Variants in NPHP4 observed in about 807,000 individuals in gnomAD.
NPHP4 encodes nephrocystin-4.
NPHP4 carries 151 observed loss-of-function variants against 155.8 expected under a neutral mutation model. The ratio of observed to expected loss-of-function variants is 0.97; its 90% CI spans 0.85 to 1.11. NPHP4 has a LOEUF of 1.11. Among genes scored for constraint, NPHP4 ranks in the 50% least tolerant of loss-of-function variants. The pLI is 0.00. For synonymous variants in NPHP4, 845 were observed against 816.8 expected (o/e 1.03, Z -0.59); for missense variants, 1,956 against 1,925.7 (o/e 1.02, Z -0.29).
Position 5,967,372 on chromosome 1 carries a change from C to T in NPHP4, c.453-9G>A. 3 of 1,602,286 alleles carry T rather than the reference C, an allele frequency of 1.9e-6. No homozygotes were observed. The highest frequency in any genetic ancestry group is 2.6e-6 in the Non-Finnish European group (3 of 1,174,810). The stretch of plus-strand genomic sequence containing the variant: ...CATGGTACAGCCGCAACCTGGAAGA[C>T]AGGACCCAGAGAACAGTCGTCAGCC... On this transcript the variant is annotated splice_polypyrimidine_tract_variant and intron_variant, in intron 4 of 29. Transcript: ENST00000378156.
At chr1:5,887,238 G>C (rs765534225) in intron 18 of NPHP4, 48 bp downstream of exon 18, 1 of 1,549,584 alleles carries the variant, frequency 6.5e-7, no homozygotes, top group African/African-American at 1.4e-5. Context: ...CTCTACCAGA[G>C]GGGTTGGGCG....
At chr1:5,885,717 C>T (rs755076526) in intron 18 of NPHP4, among the ~76,000 whole-genome samples, 4 of 152,224 alleles carry the variant, frequency 2.6e-5, no homozygotes, top group South Asian at 2.1e-4. Flanking sequence ...CTGTCCCGTG[C>T]GGTAACCCTG....
chr1:5,877,125 C>T lies in NPHP4; in HGVS notation c.2785G>A (p.Gly929Arg). Residue 929 changes from glycine (G) to arginine (R), a missense_variant, in exon 20 of 30, where the codon GGA (glycine) becomes AGA (arginine). Gly to Arg is a moderately radical substitution (Grantham distance 125). Transcript: ENST00000378156. ...CTCGTCCCGCGCCGGCCCAAGTCTC[C>T]CCCGGCCTCCTGCAGGCGCACAGAC... is the stretch of plus-strand genomic sequence containing the variant. ...MRSVRLQEAGGDLGRRGTSVL... is the reference protein window; with the variant it reads ...MRSVRLQEAGRDLGRRGTSVL... The T allele has an allele frequency of 6.3e-7, 1 of 1,588,706 alleles. No homozygotes were observed. Among genetic ancestry groups the T allele is most frequent in the Non-Finnish European group, 8.6e-7 (1 of 1,160,722 alleles).
rs150903217 is a variant in NPHP4, at chr1:5,943,380, A to G, written c.1119+3724T>C. On this transcript the variant is annotated intron_variant, in intron 9 of 29. Transcript: ENST00000378156. Reference sequence around the variant, plus strand: ...GTGCCCTGAACACAGTATTTGTTCCATGTTCTCATCAGCCCAGGTAGCCTC... The same window carrying G: ...GTGCCCTGAACACAGTATTTGTTCCGTGTTCTCATCAGCCCAGGTAGCCTC... Among the ~76,000 whole-genome samples the G allele has an allele frequency of 3.6e-3, 555 of 152,338 alleles. 1 individual carries two copies. The highest frequency in any genetic ancestry group is 0.012 in the African/African-American group (511 of 41,562).
At chr1:5,916,223 C>T (rs570460874) in intron 11 of NPHP4, among the ~76,000 whole-genome samples, 2 of 152,258 alleles carry the variant, frequency 1.3e-5, no homozygotes, top group South Asian at 4.1e-4. Flanking sequence ...TGAAACTTTG[C>T]TCCCTTGCAA....
intron 3 of NPHP4, among the ~76,000 whole-genome samples, chr1:5,975,785 C>T (rs1443574634): frequency 2.6e-5 from 4 of 152,222 alleles, no homozygotes; most frequent in Admixed American, 6.5e-5. Flanking sequence ...TCCGCCGCAA[C>T]GGAAGCCCTC....
At chr1:5,964,843 TTATATGTATATATTTTATATATA>T (rs1651041617) in intron 5 of NPHP4, among the ~76,000 whole-genome samples, 1 of 147,662 alleles carries the variant, frequency 6.8e-6, no homozygotes, top group Admixed American at 6.8e-5. Context: ...TCTCAACTTT[TTATATGTATATATTTTATATATA>T]TATAACACAC....
intron 16 of NPHP4, among the ~76,000 whole-genome samples, chr1:5,903,096 G>A (rs1237678517): frequency 3.3e-5 from 5 of 152,126 alleles, no homozygotes; most frequent in African/African-American, 7.2e-5. Flanking sequence ...GGATGTACAG[G>A]TTTTCTCAGA....
intron 20 of NPHP4, 42 bp from the exon 21 acceptor site, chr1:5,875,142 C>G: frequency 6.8e-7 from 1 of 1,470,388 alleles, no homozygotes; most frequent in Non-Finnish European, 9.3e-7. Context: ...CCCAGGCACA[C>G]TCTCCTCCAC....
rs1641309754 is a variant in NPHP4, at chr1:5,867,067, C to T, written c.3521G>A (p.Cys1174Tyr). 3 of 1,613,214 alleles carry T rather than the reference C, an allele frequency of 1.9e-6. No individual in the cohort carries two copies. The highest frequency in any genetic ancestry group is 1.3e-5 in the African/African-American group (1 of 75,032). ...LGEDPPVHVR[C>Y]SDPNVICETQ... is the part of the protein sequence containing the mutation. ...CTCACAGATGACGTTCGGGTCGCTG[C>T]AGCGAACATGGACTGGGGGGTCCTC... The change falls in exon 25 of 30, where the codon TGC becomes TAC. Residue 1174 changes from cysteine to tyrosine, a missense_variant. Cys to Tyr is a radical substitution (Grantham distance 194). Coordinates refer to ENST00000378156, the MANE Select transcript of NPHP4 (RefSeq NM_015102.5). The surrounding 1 kb of genome is among the most constrained non-coding windows in gnomAD (Gnocchi z 4.1).
At chr1:5,904,861 G>T in intron 15 of NPHP4, 57 bp from the exon 16 acceptor site, 2 of 1,539,798 alleles carry the variant, frequency 1.3e-6, no homozygotes, top group Non-Finnish European at 1.8e-6. Flanking sequence ...AACCTGAGGG[G>T]TCTAATGTGT....
chr1:5,903,545 CAT>C (rs1346814768), intron 16 of NPHP4, among the ~76,000 whole-genome samples: 1 of 152,106 alleles, frequency 6.6e-6, no homozygotes. Flanking sequence ...AAAATATCAA[CAT>C]GTCAGGTGTG....
intron 9 of NPHP4, among the ~76,000 whole-genome samples, chr1:5,936,022 A>G (rs1424030287): frequency 6.6e-6 from 1 of 152,218 alleles, no homozygotes; most frequent in Non-Finnish European, 1.5e-5. Context: ...ATAAAGTAAA[A>G]TATGTATCTA....
chr1:5,956,416 G>T (rs932599707), intron 6 of NPHP4, among the ~76,000 whole-genome samples: 3 of 152,232 alleles, frequency 2.0e-5, no homozygotes, highest in African/African-American at 7.2e-5. Flanking sequence ...GGAAAGATGG[G>T]TTCCCACCAG....
At chr1:5,914,257 C>CAAAAAAAAAAAAAAAAAAAAAAAAAAA (rs575438284) in intron 11 of NPHP4, among the ~76,000 whole-genome samples, 1 of 47,392 alleles carries the variant, frequency 2.1e-5, no homozygotes, top group African/African-American at 6.2e-5. Flanking sequence ...CTTATCTATA[C>CAAAAAAAAAAAAAAAAAAAAAAAAAAA]AAAAAAAAAA....
intron 9 of NPHP4, among the ~76,000 whole-genome samples, chr1:5,942,587 C>CA (rs34438938): frequency 0.39 from 32,032 of 82,316 alleles, 6,284 homozygotes; most frequent in East Asian, 0.71. Context: ...TCATAAATGA[C>CA]AAAAAAAAAA....
intron 1 of NPHP4, among the ~76,000 whole-genome samples, chr1:5,987,041 G>A (rs1248223126): frequency 7.2e-5 from 11 of 152,050 alleles, no homozygotes; most frequent in Non-Finnish European, 1.6e-4. Context: ...GGAAAAGGTA[G>A]GAGTGAGGGC....
rs143675266 is a variant in NPHP4 at position 5,942,248 on chromosome 1, T to C, written c.1119+4856A>G. ...TAAAAATTTTTTAAAGAAGGGAGAC[T>C]AGGCCATGCACAGTGGCTCATGCCT... is the stretch of plus-strand genomic sequence containing the variant. On this transcript the variant is annotated intron_variant, in intron 9 of 29. Coordinates refer to ENST00000378156, the MANE Select transcript of NPHP4 (RefSeq NM_015102.5). Among the ~76,000 whole-genome samples, 864 of 152,144 alleles carry C rather than the reference T, an allele frequency of 5.7e-3. 10 individuals are homozygous for C. Among genetic ancestry groups the C allele is most frequent in the African/African-American group, 0.019 (769 of 41,494 alleles).
At position 5,904,667 on chromosome 1, in the gene NPHP4, G is replaced by C. The variant is rs745698836; in HGVS notation, c.2093C>G (p.Ala698Gly). ...LDEAGQPSSG[A>G]LTHILVPVSR... ...CACAGGCACGAGGATGTGGGTCAGG[G>C]CGCCAGAGCTGGGCTGGCCGGCCTC... Residue 698 changes from alanine to glycine, a missense_variant, in exon 16 of 30, where the codon GCC becomes GGC. Ala to Gly is a moderately conservative substitution (Grantham distance 60, BLOSUM62 0). Coordinates refer to ENST00000378156, the MANE Select transcript of NPHP4 (RefSeq NM_015102.5). 6.2e-7 allele frequency: 1 copy of C among 1,613,776 alleles called. No homozygotes were observed. The highest frequency in any genetic ancestry group is 8.5e-7 in the Non-Finnish European group (1 of 1,179,834).
Sources: gnomAD v4.1 joint callset for allele counts (sites outside exome capture counted in the v4.1 genomes callset) on GRCh38, gnomAD v4.1.1 for gene constraint, Gnocchi (gnomAD v3.1) non-coding constraint, MANE v1.5 for transcripts, NCBI Gene and HGNC (gene_info 2026-07-23, HGNC 2026-07-21) for gene names.